Variants in ICE2 observed in about 807,000 individuals in gnomAD.
ICE2 encodes little elongation complex subunit 2.
In ICE2, 87 loss-of-function variants were observed where a neutral mutation model predicts 105.4. The observed-to-expected ratio is 0.83, with a 90% CI of 0.69 to 0.99. The LOEUF (loss-of-function observed/expected upper bound fraction) is 0.99. Among genes scored for constraint, ICE2 ranks in the 50% least tolerant of loss-of-function variants. The probability of loss-of-function intolerance (pLI) is 0.00; values close to 1 mark genes in which losing one functional copy is unlikely to be tolerated. For synonymous variants in ICE2, 399 were observed against 392.0 expected (o/e 1.02, Z -0.21); for missense variants, 1,323 against 1,146.7 (o/e 1.15, Z -2.22).
At chr15:60,440,607 A>G (rs1438790408) in intron 12 of ICE2, 1 of 152,214 alleles carries the variant, frequency 6.6e-6, no homozygotes, top group Admixed American at 6.5e-5. Flanking sequence ...ACGACCTGAG[A>G]AAGTCTTAGG....
intron 3 of ICE2, among the ~76,000 whole-genome samples, chr15:60,469,729 T>C (rs111458253): frequency 1.3e-5 from 2 of 152,226 alleles, no homozygotes; most frequent in African/African-American, 4.8e-5. Flanking sequence ...ATGGCATACA[T>C]ACTCCCATTG....
intron 13 of ICE2, 127 bp from the exon 14 acceptor site, chr15:60,432,111 C>T (rs1001281800): frequency 1.1e-5 from 2 of 178,644 alleles, no homozygotes; most frequent in African/African-American, 1.0e-4. Flanking sequence ...TAATGTAATA[C>T]AAAAAATCTG....
chr15:60,445,778 C>T, intron 11 of ICE2: 2 of 985,332 alleles, frequency 2.0e-6, no homozygotes, highest in Non-Finnish European at 2.4e-6. Context: ...TCAACAATTT[C>T]TAAGTGCTGT....
chr15:60,467,947 C>T lies in ICE2; in HGVS notation c.408+114G>A, dbSNP rs558454499. ...CACCATTGCTCTCTCAATCTCCTTA[C>T]GTTTTCCATTTTAAAAAAAATGACG... On this transcript the variant is annotated intron_variant, in intron 4 of 15. Coordinates refer to ENST00000261520, the MANE Select transcript of ICE2 (RefSeq NM_024611.6). 1.1e-5 allele frequency: 11 copies of T among 962,210 alleles called. No individual in the cohort carries two copies. The South Asian group carries it at 1.3e-4, about 11-fold the overall frequency. 59.6% of individuals were successfully genotyped at this position (962,210 alleles called of 1,614,324 possible). A position where few individuals can be genotyped will look rare whatever the true frequency, so the allele number is the denominator to read the frequency against.
intron 3 of ICE2, among the ~76,000 whole-genome samples, chr15:60,474,484 A>G (rs2064699941): frequency 6.6e-6 from 1 of 152,150 alleles, no homozygotes; most frequent in African/African-American, 2.4e-5. Flanking sequence ...AATACAATAC[A>G]GCTATAGGCC....
At chr15:60,453,513 T>C (rs566026149) in intron 9 of ICE2, 90 bp downstream of exon 9, 5 of 1,527,090 alleles carry the variant, frequency 3.3e-6, no homozygotes, top group Non-Finnish European at 4.4e-6. Flanking sequence ...TATTTTTAAC[T>C]ACTAGGTTTA....
At chr15:60,453,339 C>G (rs1761586498) in intron 9 of ICE2, 3 of 1,213,456 alleles carry the variant, frequency 2.5e-6, no homozygotes, top group Admixed American at 4.1e-5. Flanking sequence ...ACGTGCTCAG[C>G]CTTTAACATA....
intron 5 of ICE2, among the ~76,000 whole-genome samples, chr15:60,464,131 G>C (rs1462708222): frequency 6.6e-6 from 1 of 152,126 alleles, no homozygotes; most frequent in Non-Finnish European, 1.5e-5. Context: ...GAATCTTTGG[G>C]ATGGGGATGT....
rs2141186254 is a variant in ICE2, at chr15:60,477,967, T to C, written c.11A>G (p.Lys4Arg). 6.2e-7 allele frequency: 1 copy of C among 1,614,114 alleles called. No homozygotes were observed. Among genetic ancestry groups the C allele is most frequent in the South Asian group, 1.1e-5 (1 of 91,088 alleles). The change falls in exon 2 of 16, where the codon AAG (lysine) becomes AGG (arginine). Residue 4 changes from lysine (K) to arginine (R), a missense_variant. Physicochemically the swap from Lys to Arg is conservative, Grantham distance 26. Transcript: ENST00000261520. MSS[K>R]MVISEPGLNW... ...CAGTCCTGGTTCACTTATGACCATC[T>C]TGGAGCTCATCTTCCTAGATTTCTG...
intron 5 of ICE2, among the ~76,000 whole-genome samples, chr15:60,462,015 A>G (rs916417155): frequency 6.6e-6 from 1 of 152,218 alleles, no homozygotes; most frequent in Non-Finnish European, 1.5e-5. Flanking sequence ...ATGATTTAAT[A>G]ATAACATTTT....
At chr15:60,463,709 G>A (rs572570757) in intron 5 of ICE2, among the ~76,000 whole-genome samples, 1 of 152,352 alleles carries the variant, frequency 6.6e-6, no homozygotes, top group Admixed American at 6.5e-5. Flanking sequence ...GGCAGAGGTT[G>A]CAGTGGGCTG....
At chr15:60,435,585 GC>G (rs2063567616) in intron 13 of ICE2, among the ~76,000 whole-genome samples, 1 of 119,922 alleles carries the variant, frequency 8.3e-6, no homozygotes, top group South Asian at 3.4e-4. Context: ...GGCAAAAAGA[GC>G]AAAACTCTGT....
rs2064815834 is a variant in ICE2, at chr15:60,478,044, G to A, written c.-67C>T. 2 of 1,435,880 alleles carry A rather than the reference G, an allele frequency of 1.4e-6. No homozygotes were observed. The highest frequency in any genetic ancestry group is 1.4e-5 in the African/African-American group (1 of 71,466). 88.9% of individuals were successfully genotyped at this position (1,435,880 alleles called of 1,614,324 possible). ...TGCCTGGCTGCGAAGGCTCCAAGAG[G>A]CAGGATCCCTCCAGAACTTACTCAG... On this transcript the variant is annotated 5_prime_UTR_variant, in exon 2 of 16. Transcript: ENST00000261520.
At chr15:60,433,098 T>TA (rs927369918) in intron 13 of ICE2, among the ~76,000 whole-genome samples, 8 of 151,800 alleles carry the variant, frequency 5.3e-5, no homozygotes, top group African/African-American at 1.9e-4. Flanking sequence ...TTTTTTTTTT[T>TA]TTTTGAGACA....
chr15:60,456,495 G>C (rs1020236357), intron 6 of ICE2, among the ~76,000 whole-genome samples, 162 bp downstream of exon 6: 5 of 141,992 alleles, frequency 3.5e-5, no homozygotes. Flanking sequence ...AGTGAGCCGA[G>C]ATCATGCCAT....
chr15:60,469,447 A>T (rs1271226668), intron 3 of ICE2, among the ~76,000 whole-genome samples: 1 of 151,048 alleles, frequency 6.6e-6, no homozygotes, highest in African/African-American at 2.4e-5. Context: ...CCTGGAACTT[A>T]AAAAAAAACA....
Position 60,449,390 on chromosome 15 carries a change from T to C in ICE2, c.1577A>G (p.Asn526Ser), listed in dbSNP as rs1248758880. 1.2e-6 allele frequency: 2 copies of C among 1,612,976 alleles called. No individual in the cohort carries two copies. The highest frequency in any genetic ancestry group is 1.1e-5 in the South Asian group (1 of 91,060). ...LENSQEIETS[N>S]KNDMTIDILH... ...TATATCTATAGTCATATCATTTTTA[T>C]TAGAAGTTTCAATTTCCTGAGAATT... The change falls in exon 10 of 16, where the codon AAT becomes AGT. Residue 526 changes from asparagine to serine, a missense_variant. Physicochemically the swap from Asn to Ser is conservative, Grantham distance 46. Coordinates refer to ENST00000261520, the MANE Select transcript of ICE2 (RefSeq NM_024611.6).
At chr15:60,429,356 G>T (rs2063405760) in intron 14 of ICE2, among the ~76,000 whole-genome samples, 1 of 152,176 alleles carries the variant, frequency 6.6e-6, no homozygotes. Flanking sequence ...TAAGCAATTT[G>T]CCCAAAGTTG....
In ICE2 at chr15:60,478,337, C is replaced by T. The variant is rs559476064; in HGVS notation, c.-92-268G>A. On this transcript the variant is annotated intron_variant, in intron 1 of 15. Coordinates refer to ENST00000261520, the MANE Select transcript of ICE2 (RefSeq NM_024611.6). ...AACAGAACGGTGTTCTCATTGCTTA[C>T]ATACTAGGCCACTTGATGGCATGGA... Among the ~76,000 whole-genome samples, 4 of 152,318 alleles carry T rather than the reference C, an allele frequency of 2.6e-5. No homozygotes were observed. In the South Asian group the frequency reaches 6.2e-4, roughly 24 times the overall value.
Sources: gnomAD v4.1 joint callset for allele counts (sites outside exome capture counted in the v4.1 genomes callset) on GRCh38, gnomAD v4.1.1 for gene constraint, MANE v1.5 for transcripts, NCBI Gene and HGNC (gene_info 2026-07-23, HGNC 2026-07-21) for gene names.